Variants in LTN1 observed in about 807,000 individuals in gnomAD.
LTN1 encodes listerin E3 ubiquitin protein ligase 1.
A neutral mutation model predicts 201.2 loss-of-function variants in LTN1; 88 were observed. That is an observed-to-expected ratio of 0.44 (90% CI 0.37 to 0.52). The LOEUF is 0.52. LTN1 is among the 20% of genes least tolerant of loss of function. LTN1 has a pLI of 0.00. For missense variants in LTN1, 1,752 were observed against 2,038.7 expected (o/e 0.86, Z 2.71); for synonymous variants, 645 against 713.5 (o/e 0.90, Z 1.53).
Position 28,929,183 on chromosome 21 carries a change from C to G in LTN1, c.*1265G>C, listed in dbSNP as rs2084191967. 1 of 152,400 alleles carries G rather than the reference C, an allele frequency of 6.6e-6. No individual in the cohort carries two copies. The highest frequency in any genetic ancestry group is 6.5e-5 in the Admixed American group (1 of 15,270). 9.4% of individuals were successfully genotyped at this position (152,400 alleles called of 1,614,324 possible). On this transcript the variant is annotated 3_prime_UTR_variant, in exon 30 of 30. Transcript: ENST00000361371. ...CATACTATTTCAATAGTCATTTTAC[C>G]CAGTAGATGGAAAGCAGTAATTTTA...
intron 14 of LTN1, among the ~76,000 whole-genome samples, chr21:28,958,165 C>CT (rs1555844520): frequency 2.0e-5 from 3 of 151,954 alleles, no homozygotes; most frequent in Non-Finnish European, 1.5e-5. Context: ...TTTCATTTCT[C>CT]TTTTTTTTAA....
At position 28,945,905 on chromosome 21, in the gene LTN1, T is replaced by C. The variant is rs1488658644; in HGVS notation, c.3670A>G (p.Ile1224Val). 6.2e-7 allele frequency: 1 copy of C among 1,613,758 alleles called. No individual in the cohort carries two copies. The highest frequency in any genetic ancestry group is 8.5e-7 in the Non-Finnish European group (1 of 1,179,736). The change falls in exon 21 of 30, where the codon ATA becomes GTA. Residue 1224 changes from isoleucine to valine, a missense_variant. By Grantham distance (29) the Ile-to-Val change is conservative (BLOSUM62 3). This residue lies in a region of LTN1 where 1,211 missense variants were observed against 1,312.8 expected (regional missense o/e 0.92). Transcript: ENST00000361371. Reference sequence around the variant, plus strand: ...AGAAATAGGGAAAGAAACCGGATTATTTCTATATTTACACCCAGTACCTCT... The same window carrying C: ...AGAAATAGGGAAAGAAACCGGATTACTTCTATATTTACACCCAGTACCTCT... ...SPEVLGVNIE[I>V]IRFLSLFLKY... is the part of the protein sequence containing the mutation.
intron 25 of LTN1, among the ~76,000 whole-genome samples, chr21:28,940,627 C>G (rs1289962189): frequency 1.3e-5 from 2 of 151,424 alleles, no homozygotes; most frequent in Non-Finnish European, 2.9e-5. Context: ...TATGATAGTA[C>G]AAAATTAAAT....
chr21:28,959,235 C>T (rs2084453427), intron 13 of LTN1, among the ~76,000 whole-genome samples: 1 of 152,178 alleles, frequency 6.6e-6, no homozygotes, highest in Middle Eastern at 3.2e-3. Flanking sequence ...TGGCTCATTC[C>T]AAATTTCTTT....
intron 6 of LTN1, among the ~76,000 whole-genome samples, chr21:28,980,880 T>A (rs1470653327): frequency 6.6e-6 from 1 of 152,102 alleles, no homozygotes; most frequent in African/African-American, 2.4e-5. Flanking sequence ...AATTTTAAGG[T>A]GCTATGAACA....
intron 19 of LTN1, among the ~76,000 whole-genome samples, chr21:28,946,908 T>C (rs1204966090): frequency 6.6e-6 from 1 of 152,188 alleles, no homozygotes; most frequent in Non-Finnish European, 1.5e-5. Context: ...GGAAAACTAT[T>C]TATCCTTCAA....
intron 28 of LTN1, among the ~76,000 whole-genome samples, chr21:28,931,982 A>C (rs57303001): frequency 0.028 from 4,254 of 152,250 alleles, 210 homozygotes; most frequent in African/African-American, 0.097. Context: ...CAGCCTGGGC[A>C]ACAAGAGCAA....
chr21:28,938,155 T>C (rs1215409024), intron 25 of LTN1, among the ~76,000 whole-genome samples: 2 of 152,140 alleles, frequency 1.3e-5, no homozygotes, highest in African/African-American at 2.4e-5. Context: ...AATAAAACTA[T>C]AGAGATATTA....
At position 28,930,437 on chromosome 21, in the gene LTN1, T is replaced by C. The variant is rs777433968; in HGVS notation, c.*11A>G. ...GATGTACTTCAGGGATCCCTTCCAG[T>C]GAAAAAAATCTCAGAAAAACGTCTC... On this transcript the variant is annotated 3_prime_UTR_variant, in exon 30 of 30. Transcript: ENST00000361371. 2.5e-6 allele frequency: 4 copies of C among 1,606,040 alleles called. No individual in the cohort carries two copies. The East Asian group carries it at 8.9e-5, about 36-fold the overall frequency.
At chr21:28,970,003 C>A (rs544605939) in intron 8 of LTN1, among the ~76,000 whole-genome samples, 6 of 151,996 alleles carry the variant, frequency 3.9e-5, no homozygotes, top group African/African-American at 1.4e-4. Flanking sequence ...TATTCATGGA[C>A]CAATCCACCT....
rs989620255 is a variant in LTN1, at chr21:28,958,489, A to T, written c.2644T>A (p.Leu882Met). 23 of 1,611,568 alleles carry T rather than the reference A, an allele frequency of 1.4e-5. No individual in the cohort carries two copies. Among genetic ancestry groups the T allele is most frequent in the Non-Finnish European group, 2.0e-5 (23 of 1,178,828 alleles). The change falls in exon 14 of 30, where the codon TTG becomes ATG. Residue 882 changes from leucine to methionine, a missense_variant. Transcript: ENST00000361371. Reference sequence around the variant, plus strand: ...TATGAACTGTCAGTTTGATGAACCAATAAATTTACACCAGAGAGCCAAGTA... The same window carrying T: ...TATGAACTGTCAGTTTGATGAACCATTAAATTTACACCAGAGAGCCAAGTA... ...KNTWLSGVNLLVHQTDSSYKE... is the reference protein window; with the variant it reads ...KNTWLSGVNLMVHQTDSSYKE...
At chr21:28,975,041 T>G (rs1162653530) in intron 6 of LTN1, among the ~76,000 whole-genome samples, 1 of 151,878 alleles carries the variant, frequency 6.6e-6, no homozygotes, top group African/African-American at 2.4e-5. Flanking sequence ...AAACATAACA[T>G]TCACAATGTC....
At chr21:28,983,115 A>G (rs1273126952) in intron 4 of LTN1, among the ~76,000 whole-genome samples, 2 of 152,128 alleles carry the variant, frequency 1.3e-5, no homozygotes, top group South Asian at 2.1e-4. Context: ...TGACATTTTG[A>G]TTTTCATTTG....
intron 6 of LTN1, among the ~76,000 whole-genome samples, chr21:28,975,992 C>T (rs1306320190): frequency 6.6e-6 from 1 of 152,126 alleles, no homozygotes; most frequent in South Asian, 2.1e-4. Context: ...GAGAGTAATG[C>T]CTAGCTCCAT....
chr21:28,943,548 G>T, intron 23 of LTN1, 119 bp downstream of exon 23: 1 of 785,240 alleles, frequency 1.3e-6, no homozygotes, highest in Non-Finnish European at 2.0e-6. Flanking sequence ...CCCTATAAGT[G>T]AAGCAGTCAG....
chr21:28,986,665 G>T lies in LTN1; in HGVS notation c.246+66C>A, dbSNP rs900055003. ...GTTCATTTTTCTTTACATAAAACAT[G>T]CTAATGACATTTTATTTTAACAAAG... On this transcript the variant is annotated intron_variant, in intron 2 of 29. Coordinates refer to ENST00000361371, the MANE Select transcript of LTN1 (RefSeq NM_015565.3). The surrounding 1 kb of genome is among the most constrained non-coding windows in gnomAD (Gnocchi z 4.1). The T allele has an allele frequency of 4.9e-6, 6 of 1,218,704 alleles. No individual in the cohort carries two copies. The African/African-American group carries it at 9.0e-5, about 18-fold the overall frequency. The allele number at this position is 1,218,704 out of a possible 1,614,324, so 75.5% of individuals were successfully genotyped here.
chr21:28,983,646 A>G (rs2084675539), intron 4 of LTN1, among the ~76,000 whole-genome samples: 1 of 152,192 alleles, frequency 6.6e-6, no homozygotes, highest in Non-Finnish European at 1.5e-5. Context: ...ATTTGAACTT[A>G]AAAGTGTAAT....
At chr21:28,975,857 C>G (rs910907334) in intron 6 of LTN1, among the ~76,000 whole-genome samples, 1 of 152,146 alleles carries the variant, frequency 6.6e-6, no homozygotes, top group Admixed American at 6.5e-5. Context: ...TCTCCTTACT[C>G]AAGAAAGATA....
At chr21:28,954,205 CA>C (rs763502477) in intron 16 of LTN1, among the ~76,000 whole-genome samples, 1 of 152,200 alleles carries the variant, frequency 6.6e-6, no homozygotes, top group Non-Finnish European at 1.5e-5. Context: ...ACCCTGTGAG[CA>C]ATGTTAAACT....
Sources: gnomAD v4.1 joint callset for allele counts (sites outside exome capture counted in the v4.1 genomes callset) on GRCh38, gnomAD v4.1.1 for gene constraint, gnomAD v4.1.1 regional missense constraint, Gnocchi (gnomAD v3.1) non-coding constraint, MANE v1.5 for transcripts, NCBI Gene and HGNC (gene_info 2026-07-23, HGNC 2026-07-21) for gene names.